UGT1A10: variants seen among roughly 807,000 people sequenced by gnomAD.
The protein encoded by UGT1A10 is UDP glucuronosyltransferase family 1 member A10.
In UGT1A10, 49 loss-of-function variants were observed where a neutral mutation model predicts 45.8. The ratio of observed to expected loss-of-function variants is 1.07; its 90% CI spans 0.85 to 1.36. The LOEUF (loss-of-function observed/expected upper bound fraction) is 1.36. UGT1A10 is among the 40% of genes most tolerant of loss of function. The probability of loss-of-function intolerance (pLI) is 0.00; values close to 1 mark genes in which losing one functional copy is unlikely to be tolerated. For missense variants in UGT1A10, 745 were observed against 668.6 expected (o/e 1.11, Z -1.26); for synonymous variants, 284 against 249.7 (o/e 1.14, Z -1.29).
At chr2:233,690,713 G>A (rs758737134) in intron 1 of UGT1A10, 39 of 1,220,018 alleles carry the variant, frequency 3.2e-5, no homozygotes, top group Non-Finnish European at 4.1e-5. Flanking sequence ...TCGTCATTAT[G>A]ACGAACAGAC....
chr2:233,703,033 C>T (rs2075720547), intron 1 of UGT1A10, among the ~76,000 whole-genome samples: 3 of 152,196 alleles, frequency 2.0e-5, no homozygotes, highest in African/African-American at 7.2e-5. Flanking sequence ...GGTATTCATT[C>T]TTTACATATT....
At chr2:233,771,833 T>G (rs1411315562) in intron 4 of UGT1A10, among the ~76,000 whole-genome samples, 1 of 137,650 alleles carries the variant, frequency 7.3e-6, no homozygotes, top group Non-Finnish European at 1.6e-5. Flanking sequence ...CCTTCCCTCC[T>G]TCTCTTCCTT....
chr2:233,639,016 G>A (rs531591522), intron 1 of UGT1A10, among the ~76,000 whole-genome samples: 4 of 152,216 alleles, frequency 2.6e-5, no homozygotes, highest in South Asian at 2.1e-4. Flanking sequence ...CACAGCCTTC[G>A]GCCGAGTTGA....
At chr2:233,719,572 A>C in intron 1 of UGT1A10, 1 of 1,613,858 alleles carries the variant, frequency 6.2e-7, no homozygotes, top group South Asian at 1.1e-5. Flanking sequence ...CTTGTCAGCT[A>C]TGCATCCGTG....
At chr2:233,678,604 AG>A (rs1381391486) in intron 1 of UGT1A10, among the ~76,000 whole-genome samples, 8 of 152,178 alleles carry the variant, frequency 5.3e-5, no homozygotes, top group Non-Finnish European at 5.9e-5. Flanking sequence ...AGTGCCCATA[AG>A]GGTTCATGTC....
At chr2:233,642,207 T>A (rs960010263) in intron 1 of UGT1A10, among the ~76,000 whole-genome samples, 5 of 152,246 alleles carry the variant, frequency 3.3e-5, no homozygotes, top group African/African-American at 1.2e-4. Context: ...TTATTCTTTT[T>A]TCTTTTGTCT....
chr2:233,643,646 G>A (rs1121395), intron 1 of UGT1A10, among the ~76,000 whole-genome samples: 36,541 of 151,928 alleles, frequency 0.24, 4,865 homozygotes, highest in East Asian at 0.51. Flanking sequence ...ATCACAGCTG[G>A]GAATGTGCTG....
chr2:233,636,755 C>T lies in UGT1A10; in HGVS notation c.233C>T (p.Ser78Leu), dbSNP rs765888404. 1.9e-6 allele frequency: 3 copies of T among 1,614,174 alleles called. No homozygotes were observed. The highest frequency in any genetic ancestry group is 2.5e-6 in the Non-Finnish European group (3 of 1,180,020). ...RSLNCTVKTY[S>L]TSYTLEDQNR... ...CTGAATTGCACAGTGAAGACTTACT[C>T]AACCTCGTACACTCTGGAAGATCAG... The change falls in exon 1 of 5, where the codon TCA becomes TTA. Residue 78 changes from serine (S) to leucine (L), a missense_variant. Physicochemically the swap from Ser to Leu is moderately radical, Grantham distance 145. Transcript: ENST00000344644.
rs1259273318 is a variant in UGT1A10, at chr2:233,667,395, AG to A, written c.855+30019del. Among the ~76,000 whole-genome samples the A allele has an allele frequency of 6.0e-4, 92 of 152,368 alleles. 1 individual carries two copies. Among genetic ancestry groups the A allele is most frequent in the African/African-American group, 2.0e-3 (83 of 41,592 alleles). ...CAAAAATTAATTCAAGATGGATTAA[AG>A]ACTTAAATGTTAGACCTTAAACCAT... is the stretch of plus-strand genomic sequence containing the variant. On this transcript the variant is annotated intron_variant, in intron 1 of 4. Transcript: ENST00000344644.
chr2:233,707,291 A>G (rs1422341109), intron 1 of UGT1A10, among the ~76,000 whole-genome samples: 1 of 152,142 alleles, frequency 6.6e-6, no homozygotes, highest in Non-Finnish European at 1.5e-5. Context: ...GCACACATGC[A>G]GGATGTGCAG....
intron 1 of UGT1A10, among the ~76,000 whole-genome samples, chr2:233,706,678 C>T (rs2075919133): frequency 6.6e-6 from 1 of 152,170 alleles, no homozygotes; most frequent in Non-Finnish European, 1.5e-5. Flanking sequence ...CTACTCCCCA[C>T]CCCACTCCTT....
chr2:233,692,805 G>A, intron 1 of UGT1A10: 7 of 1,407,880 alleles, frequency 5.0e-6, no homozygotes, highest in Non-Finnish European at 6.5e-6. Context: ...CACGGCCATA[G>A]TTGGTTCATA....
intron 1 of UGT1A10, among the ~76,000 whole-genome samples, chr2:233,765,606 C>T (rs4663971): frequency 1.3e-5 from 2 of 151,332 alleles, no homozygotes; most frequent in Non-Finnish European, 1.5e-5. Context: ...GGGCTTGTGG[C>T]GGGGTGAGGG....
At chr2:233,640,010 C>T (rs1455953725) in intron 1 of UGT1A10, among the ~76,000 whole-genome samples, 1 of 152,176 alleles carries the variant, frequency 6.6e-6, no homozygotes, top group African/African-American at 2.4e-5. Context: ...TTCATCTATA[C>T]CATCCATGGT....
intron 1 of UGT1A10, among the ~76,000 whole-genome samples, chr2:233,637,998 C>T (rs1366403932): frequency 6.6e-6 from 1 of 152,128 alleles, no homozygotes; most frequent in Non-Finnish European, 1.5e-5. Context: ...TCCACTCTTT[C>T]CTTTTGTGAA....
At chr2:233,672,893 A>G (rs964476952) in intron 1 of UGT1A10, 10 of 1,513,218 alleles carry the variant, frequency 6.6e-6, no homozygotes, top group Non-Finnish European at 7.9e-6. Flanking sequence ...GTTTCATTTC[A>G]AATTTCTTTC....
intron 1 of UGT1A10, among the ~76,000 whole-genome samples, chr2:233,737,675 A>G (rs527390262): frequency 2.6e-4 from 40 of 152,110 alleles, no homozygotes; most frequent in Middle Eastern, 6.8e-3. Flanking sequence ...AGCTGTTCCT[A>G]TTTGGCCATT....
rs1204157509 is a variant in UGT1A10 at position 233,636,678 on chromosome 2, G to A, written c.156G>A (p.Gly52=). The A allele has an allele frequency of 7.4e-6, 12 of 1,614,178 alleles. No individual in the cohort carries two copies. Among genetic ancestry groups the A allele is most frequent in the Middle Eastern group, 3.3e-4 (2 of 6,062 alleles). Residue 52 remains glycine (G), a synonymous_variant, in exon 1 of 5, where the codon GGG becomes GGA. Coordinates refer to ENST00000344644, the MANE Select transcript of UGT1A10 (RefSeq NM_019075.4). ...QSVVEKLILR[G]HEVVVVMPEV... ...TGGTGGAGAAACTTATCCTCAGGGG[G>A]CATGAGGTGGTTGTAGTCATGCCAG...
In UGT1A10 at chr2:233,748,516, C is replaced by T. The variant is rs60390282; in HGVS notation, c.856-18518C>T. On this transcript the variant is annotated intron_variant, in intron 1 of 4. Transcript: ENST00000344644. ...GATAATTTTTAGTGGTCCTGTCTTGCGAATGATAGAGAGGTGACCACAGGA... is the reference window on the plus strand; with the variant it reads ...GATAATTTTTAGTGGTCCTGTCTTGTGAATGATAGAGAGGTGACCACAGGA... Among the ~76,000 whole-genome samples, 169 of 151,786 alleles carry T rather than the reference C, an allele frequency of 1.1e-3. 1 individual carries two copies. Among genetic ancestry groups the T allele is most frequent in the African/African-American group, 4.1e-3 (168 of 41,150 alleles).
Sources: allele counts gnomAD v4.1 joint callset (sites outside exome capture counted in the v4.1 genomes callset), GRCh38; gene constraint gnomAD v4.1.1; transcripts MANE v1.5; gene names NCBI Gene and HGNC (gene_info 2026-07-23, HGNC 2026-07-21).